The following ANKS1B variants were observed in gnomAD, a reference collection of about 807,000 sequenced individuals.
ANKS1B encodes ankyrin repeat and sterile alpha motif domain containing 1B.
In ANKS1B, 36 loss-of-function variants were observed where a neutral mutation model predicts 148.3. That is an observed-to-expected ratio of 0.24 (90% CI 0.19 to 0.32). The LOEUF (loss-of-function observed/expected upper bound fraction) is 0.32. ANKS1B is among the 10% of genes least tolerant of loss of function. ANKS1B has a pLI of 1.00. For missense variants in ANKS1B, 1,157 were observed against 1,542.6 expected, an observed-to-expected ratio of 0.75 and a Z score of 4.19; for synonymous variants, 542 against 560.8, an observed-to-expected ratio of 0.97 and a Z score of 0.47.
intron 17 of ANKS1B, among the ~76,000 whole-genome samples, chr12:98,836,102 CCCTTCACTACTCT>C (rs2099361247): frequency 6.6e-6 from 1 of 152,120 alleles, no homozygotes. Flanking sequence ...TCTTAACCAG[CCCTTCACTACTCT>C]CCTTGCTCTT....
chr12:99,864,079 CA>C (rs11445634), intron 1 of ANKS1B, among the ~76,000 whole-genome samples: 332 of 65,244 alleles, frequency 5.1e-3, no homozygotes, highest in African/African-American at 0.011. Flanking sequence ...GACTACATCT[CA>C]AAAAAAAAAA....
intron 10 of ANKS1B, among the ~76,000 whole-genome samples, chr12:99,485,963 C>T (rs1024874135): frequency 1.6e-4 from 24 of 152,136 alleles, no homozygotes; most frequent in African/African-American, 5.1e-4. Context: ...TGAGGGTTTT[C>T]ATCATTCTCT....
intron 9 of ANKS1B, among the ~76,000 whole-genome samples, chr12:99,618,003 A>G (rs2097992456): frequency 6.6e-6 from 1 of 152,130 alleles, no homozygotes; most frequent in Admixed American, 6.5e-5. Flanking sequence ...AGTCCAATAC[A>G]ATTTAGCTCC....
chr12:99,365,151 A>C (rs1322844316), intron 12 of ANKS1B, among the ~76,000 whole-genome samples: 2 of 152,140 alleles, frequency 1.3e-5, no homozygotes, highest in Non-Finnish European at 2.9e-5. Context: ...AGTGGCTGGG[A>C]GTACATTGGG....
intron 2 of ANKS1B, among the ~76,000 whole-genome samples, chr12:99,819,404 A>G (rs889159684): frequency 1.3e-5 from 2 of 151,850 alleles, no homozygotes; most frequent in Non-Finnish European, 2.9e-5. Flanking sequence ...CAATTTTTAG[A>G]GGAGGTATGC....
At chr12:99,484,947 T>C in intron 10 of ANKS1B, among the ~76,000 whole-genome samples, 1 of 151,810 alleles carries the variant, frequency 6.6e-6, no homozygotes. Flanking sequence ...ACAGCCAATA[T>C]TTGGATTGTG....
intron 2 of ANKS1B, among the ~76,000 whole-genome samples, chr12:99,820,755 G>C: frequency 6.6e-6 from 1 of 151,868 alleles, no homozygotes; most frequent in African/African-American, 2.4e-5. Context: ...AATGATTATG[G>C]GAGGCAGGCC....
At chr12:98,804,782 C>T (rs2099037050) in intron 20 of ANKS1B, among the ~76,000 whole-genome samples, 1 of 152,174 alleles carries the variant, frequency 6.6e-6, no homozygotes, top group Non-Finnish European at 1.5e-5. Context: ...TCATTTTGAA[C>T]TTTGAAGCCT....
At chr12:98,928,430 C>T (rs1259008960) in intron 17 of ANKS1B, among the ~76,000 whole-genome samples, 1 of 151,884 alleles carries the variant, frequency 6.6e-6, no homozygotes, top group Non-Finnish European at 1.5e-5. Flanking sequence ...TGAACTGATT[C>T]TATGAGGCCA....
intron 16 of ANKS1B, among the ~76,000 whole-genome samples, chr12:99,071,074 T>G (rs34759455): frequency 0.064 from 9,773 of 152,312 alleles, 432 homozygotes; most frequent in Middle Eastern, 0.14. Flanking sequence ...CCCTTTTACT[T>G]AACGTACAAA....
At chr12:98,894,820 G>C in intron 17 of ANKS1B, 2 of 983,236 alleles carry the variant, frequency 2.0e-6, no homozygotes, top group Non-Finnish European at 2.4e-6. Context: ...GAGAGGCGCG[G>C]AGCTTGGCCG....
At chr12:98,782,552 C>T (rs1050388430) in intron 22 of ANKS1B, among the ~76,000 whole-genome samples, 2 of 152,170 alleles carry the variant, frequency 1.3e-5, no homozygotes, top group South Asian at 4.1e-4. Context: ...TTCAGGAAGG[C>T]TTTTAATTGG....
chr12:99,798,769 A>G (rs1408564360), intron 4 of ANKS1B, among the ~76,000 whole-genome samples: 1 of 152,112 alleles, frequency 6.6e-6, no homozygotes, highest in African/African-American at 2.4e-5. Flanking sequence ...ATCTCCCTCT[A>G]TTAAACTAGG....
intron 11 of ANKS1B, among the ~76,000 whole-genome samples, chr12:99,413,148 C>T (rs1327945280): frequency 6.6e-6 from 1 of 152,172 alleles, no homozygotes; most frequent in Non-Finnish European, 1.5e-5. Context: ...CTTCTAGGCA[C>T]TTGAAATTTG....
chr12:99,666,318 A>G (rs2098506563), intron 8 of ANKS1B, among the ~76,000 whole-genome samples: 3 of 152,170 alleles, frequency 2.0e-5, no homozygotes, highest in Admixed American at 6.5e-5. Context: ...AGCTGTCAAT[A>G]GCTGAAAAAT....
intron 12 of ANKS1B, among the ~76,000 whole-genome samples, chr12:99,365,342 T>A (rs2092708319): frequency 6.6e-6 from 1 of 152,128 alleles, no homozygotes; most frequent in South Asian, 2.1e-4. Flanking sequence ...AGTACATATA[T>A]CAGCACAATC....
chr12:99,117,373 A>G (rs1338129806), intron 15 of ANKS1B, among the ~76,000 whole-genome samples: 1 of 152,192 alleles, frequency 6.6e-6, no homozygotes, highest in African/African-American at 2.4e-5. Flanking sequence ...GATAAGTTCC[A>G]TCAATACCTA....
At chr12:99,891,523 G>A (rs535192505) in intron 1 of ANKS1B, among the ~76,000 whole-genome samples, 14 of 151,720 alleles carry the variant, frequency 9.2e-5, no homozygotes, top group Middle Eastern at 6.8e-3. Flanking sequence ...CCCGGCCCTC[G>A]TTGTGATTTT....
intron 12 of ANKS1B, among the ~76,000 whole-genome samples, chr12:99,393,402 C>T (rs890405587): frequency 3.3e-5 from 5 of 152,146 alleles, no homozygotes; most frequent in Admixed American, 2.0e-4. Flanking sequence ...CAGGGAATGA[C>T]ATGAGGAGCC....
Sources: gnomAD v4.1 joint callset for allele counts (sites outside exome capture counted in the v4.1 genomes callset) on GRCh38, gnomAD v4.1.1 for gene constraint, MANE v1.5 for transcripts, NCBI Gene and HGNC (gene_info 2026-07-23, HGNC 2026-07-21) for gene names.